Variants in SH3PXD2A observed in about 807,000 individuals in gnomAD.
The protein encoded by SH3PXD2A is SH3 and PX domain-containing protein 2A.
A neutral mutation model predicts 115.2 loss-of-function variants in SH3PXD2A; 32 were observed. That is an observed-to-expected ratio of 0.28 (90% CI 0.21 to 0.37). The LOEUF is 0.37. SH3PXD2A is among the 10% of genes least tolerant of loss of function. The pLI is 1.00. For synonymous variants in SH3PXD2A, 610 were observed against 629.1 expected (o/e 0.97, Z 0.45); for missense variants, 1,328 against 1,498.7 (o/e 0.89, Z 1.88).
intron 5 of SH3PXD2A, among the ~76,000 whole-genome samples, chr10:103,700,096 C>G (rs1441737007): frequency 6.6e-6 from 1 of 152,252 alleles, no homozygotes; most frequent in Non-Finnish European, 1.5e-5. Flanking sequence ...TCTCCTCTGA[C>G]TTGTTCCACT....
At chr10:103,853,000 C>T (rs183793178) in intron 1 of SH3PXD2A, among the ~76,000 whole-genome samples, 81 of 152,286 alleles carry the variant, frequency 5.3e-4, no homozygotes, top group African/African-American at 1.7e-3. Context: ...GGTCTCTGCC[C>T]GTTCCACAAT....
At chr10:103,845,527 C>T (rs1334463586) in intron 1 of SH3PXD2A, among the ~76,000 whole-genome samples, 2 of 152,116 alleles carry the variant, frequency 1.3e-5, no homozygotes, top group Non-Finnish European at 1.5e-5. Flanking sequence ...CCTATATGGT[C>T]TCACAAGAGG....
chr10:103,809,741 G>A (rs1262285559), intron 1 of SH3PXD2A, among the ~76,000 whole-genome samples: 1 of 144,782 alleles, frequency 6.9e-6, no homozygotes, highest in African/African-American at 2.6e-5. Flanking sequence ...CTGGAGTGCA[G>A]TGGCGCCATC....
rs1554903074 is a variant in SH3PXD2A, at chr10:103,608,150, T to TA, written c.1309-2234dup. Among the ~76,000 whole-genome samples, 38 of 32,670 alleles carry TA rather than the reference T, an allele frequency of 1.2e-3. 5 individuals are homozygous for TA. The highest frequency in any genetic ancestry group is 1.5e-3 in the Non-Finnish European group (33 of 22,110). 21.4% of individuals were successfully genotyped at this position (32,670 alleles called of 152,430 possible). ...GAGAAACACCCAAGAATGATCAATT[T>TA]AAAAAAAAAAAAAAAAAAAAGAACA... On this transcript the variant is annotated intron_variant, in intron 13 of 14. Transcript: ENST00000369774.
rs558545545 is a variant in SH3PXD2A at position 103,737,934 on chromosome 10, C to T, written c.230-2126G>A. ...ATCCTATTGCATGTGACCTGCTTCC[C>T]GTGGATATCTCTCATCTCTCCATGA... On this transcript the variant is annotated intron_variant, in intron 3 of 14. Transcript: ENST00000369774. Among the ~76,000 whole-genome samples, 312 of 152,324 alleles carry T rather than the reference C, an allele frequency of 2.0e-3. 2 individuals are homozygous for T. The highest frequency in any genetic ancestry group is 7.2e-3 in the African/African-American group (299 of 41,564).
chr10:103,730,234 T>C (rs1485525942), intron 4 of SH3PXD2A, among the ~76,000 whole-genome samples: 3 of 53,768 alleles, frequency 5.6e-5, no homozygotes, highest in Non-Finnish European at 1.1e-4. Context: ...TCTCGTTTCT[T>C]TTTTTTTTTT....
At chr10:103,786,122 C>T (rs769075401) in intron 2 of SH3PXD2A, among the ~76,000 whole-genome samples, 3 of 152,148 alleles carry the variant, frequency 2.0e-5, no homozygotes, top group Non-Finnish European at 2.9e-5. Context: ...CTATGCCCAG[C>T]CCCCACCTGC....
rs963439188 is a variant in SH3PXD2A, at chr10:103,626,668, T to G, written c.718+421A>C. On this transcript the variant is annotated intron_variant, in intron 9 of 14. Coordinates refer to ENST00000369774, the MANE Select transcript of SH3PXD2A (RefSeq NM_001394015.1). ...AGGGCTGGGTGCGGTGGCCCACACC[T>G]GTAATTCCAGCACTTTGGGAGGCCA... 8.7e-5 allele frequency among the ~76,000 whole-genome samples: 13 copies of G among 149,596 alleles called. 1 individual carries two copies. Among genetic ancestry groups the G allele is most frequent in the African/African-American group, 3.2e-4 (13 of 40,762 alleles).
At chr10:103,668,536 C>T in intron 7 of SH3PXD2A, 72 bp downstream of exon 7, 4 of 1,315,652 alleles carry the variant, frequency 3.0e-6, no homozygotes, top group Middle Eastern at 1.8e-4. Context: ...GCAGGGCCTG[C>T]AGGCACCGGC....
At chr10:103,798,247 G>A (rs2039113478) in intron 2 of SH3PXD2A, among the ~76,000 whole-genome samples, 1 of 152,190 alleles carries the variant, frequency 6.6e-6, no homozygotes, top group Non-Finnish European at 1.5e-5. Context: ...AGACCCCCAA[G>A]TGCTGCCCAA....
chr10:103,846,405 T>G (rs1421914492), intron 1 of SH3PXD2A, among the ~76,000 whole-genome samples: 1 of 151,954 alleles, frequency 6.6e-6, no homozygotes, highest in Non-Finnish European at 1.5e-5. Flanking sequence ...GAAGAGATCT[T>G]CACTAAGAGC....
At chr10:103,724,473 T>C (rs1326231031) in intron 4 of SH3PXD2A, 112 bp from the exon 5 acceptor site, 2 of 586,760 alleles carry the variant, frequency 3.4e-6, no homozygotes, top group South Asian at 2.3e-5. Flanking sequence ...AACTGAGCCA[T>C]GGAAGACATG....
At chr10:103,654,090 C>A (rs756298970) in intron 8 of SH3PXD2A, among the ~76,000 whole-genome samples, 23 of 152,122 alleles carry the variant, frequency 1.5e-4, no homozygotes, top group South Asian at 1.0e-3. Flanking sequence ...TGCTTGTCTT[C>A]ACCCCTGACA....
chr10:103,844,386 C>T (rs1842819480), intron 1 of SH3PXD2A, among the ~76,000 whole-genome samples: 1 of 152,232 alleles, frequency 6.6e-6, no homozygotes, highest in South Asian at 2.1e-4. Flanking sequence ...GAGAAATTCT[C>T]CCACACAGGC....
intron 1 of SH3PXD2A, among the ~76,000 whole-genome samples, chr10:103,832,464 C>T (rs557639907): frequency 6.6e-6 from 1 of 151,662 alleles, no homozygotes; most frequent in East Asian, 1.9e-4. Context: ...ATCTAAAATA[C>T]TACACACTAT....
At chr10:103,704,006 A>C (rs950663021) in intron 5 of SH3PXD2A, among the ~76,000 whole-genome samples, 20 of 152,208 alleles carry the variant, frequency 1.3e-4, no homozygotes, top group African/African-American at 4.8e-4. Flanking sequence ...GCTGGGGGAT[A>C]AACAAGTTAA....
intron 2 of SH3PXD2A, among the ~76,000 whole-genome samples, chr10:103,797,542 A>C (rs1462475268): frequency 6.6e-6 from 1 of 152,112 alleles, no homozygotes; most frequent in Non-Finnish European, 1.5e-5. Context: ...TCCAAGGACA[A>C]GCCTCAGGCT....
intron 8 of SH3PXD2A, among the ~76,000 whole-genome samples, chr10:103,637,059 T>C (rs567069324): frequency 6.6e-6 from 1 of 152,314 alleles, no homozygotes; most frequent in East Asian, 1.9e-4. Context: ...CCAGCAAGTA[T>C]TTCCCGAGCA....
At chr10:103,626,626 GAAAA>G (rs112071139) in intron 9 of SH3PXD2A, among the ~76,000 whole-genome samples, 1 of 128,392 alleles carries the variant, frequency 7.8e-6, no homozygotes, top group African/African-American at 2.9e-5. Flanking sequence ...AAAAGAAAAA[GAAAA>G]AAAAAAAAAG....
Sources: gnomAD v4.1 joint callset for allele counts (sites outside exome capture counted in the v4.1 genomes callset) on GRCh38, gnomAD v4.1.1 for gene constraint, MANE v1.5 for transcripts, NCBI Gene and HGNC (gene_info 2026-07-23, HGNC 2026-07-21) for gene names.